Variants in NECTIN3 observed in about 807,000 individuals in gnomAD.
NECTIN3 encodes the protein nectin cell adhesion molecule 3, also known as nectin-3.
NECTIN3 carries 8 observed loss-of-function variants against 49.4 expected under a neutral mutation model. The ratio of observed to expected loss-of-function variants is 0.16; its 90% CI spans 0.10 to 0.29. The LOEUF is 0.29. NECTIN3 is among the 10% of genes least tolerant of loss of function. The pLI is 1.00. For synonymous variants in NECTIN3, 277 were observed against 241.1 expected (o/e 1.15, Z -1.38); for missense variants, 581 against 654.6 (o/e 0.89, Z 1.23).
At chr3:111,072,300 G>A in intron 1 of NECTIN3, 123 bp downstream of exon 1, 1 of 1,441,720 alleles carries the variant, frequency 6.9e-7, no homozygotes, top group Non-Finnish European at 9.0e-7. Flanking sequence ...AGCGAGTGCC[G>A]AGGACTTTGG....
chr3:111,074,508 ATAG>A (rs1286601957), intron 1 of NECTIN3, among the ~76,000 whole-genome samples: 3 of 152,250 alleles, frequency 2.0e-5, no homozygotes, highest in Non-Finnish European at 4.4e-5. Context: ...TGTTTGATAT[ATAG>A]CGTGGCCTTA....
intron 7 of NECTIN3, among the ~76,000 whole-genome samples, chr3:111,168,524 C>T (rs2035367694): frequency 6.6e-6 from 1 of 152,054 alleles, no homozygotes; most frequent in African/African-American, 2.4e-5. Context: ...TATTAGAATA[C>T]AGTAGGACAG....
chr3:111,168,950 T>C (rs544214109), intron 7 of NECTIN3, among the ~76,000 whole-genome samples: 5 of 152,126 alleles, frequency 3.3e-5, no homozygotes, highest in South Asian at 4.1e-4. Context: ...TATTACCTTG[T>C]ACTGGGGTTT....
At chr3:111,120,704 A>G (rs1033859407) in intron 3 of NECTIN3, among the ~76,000 whole-genome samples, 15 of 152,138 alleles carry the variant, frequency 9.9e-5, no homozygotes, top group Non-Finnish European at 2.2e-4. Flanking sequence ...TCATCAGATC[A>G]TGTGCTGCTA....
chr3:111,116,423 T>C (rs2033692316), intron 2 of NECTIN3, among the ~76,000 whole-genome samples: 1 of 152,140 alleles, frequency 6.6e-6, no homozygotes, highest in Non-Finnish European at 1.5e-5. Flanking sequence ...CAACAAATAC[T>C]GTAACACATT....
At chr3:111,160,397 A>G (rs770793756) in intron 7 of NECTIN3, among the ~76,000 whole-genome samples, 1 of 152,082 alleles carries the variant, frequency 6.6e-6, no homozygotes, top group Non-Finnish European at 1.5e-5. Flanking sequence ...GTCAAGATTC[A>G]TAAATTTTGA....
intron 1 of NECTIN3, among the ~76,000 whole-genome samples, chr3:111,104,613 ACCCGACCTCTTTT>A (rs1180950756): frequency 3.3e-4 from 50 of 151,782 alleles, no homozygotes; most frequent in Non-Finnish European, 8.8e-5. Flanking sequence ...GAGCCACTGC[ACCCGACCTCTTTT>A]GCTCATGTTT....
chr3:111,137,385 T>TGTTTGG lies in NECTIN3; in HGVS notation c.*3175_*3180dup. On this transcript the variant is annotated 3_prime_UTR_variant, in exon 6 of 6. Coordinates refer to ENST00000485303, the MANE Select transcript of NECTIN3 (RefSeq NM_015480.3). ...TCAAATTTTTTGTATATTGTGTTTG[T>TGTTTGG]GTTTGGGTTTTAGTTTGTACCCGCG... 1 of 958,200 alleles carries TGTTTGG rather than the reference T, an allele frequency of 1.0e-6. No individual in the cohort carries two copies. The highest frequency in any genetic ancestry group is 1.2e-6 in the Non-Finnish European group (1 of 805,736). The allele number at this position is 958,200 out of a possible 1,614,324, so 59.4% of individuals were successfully genotyped here.
intron 6 of NECTIN3, chr3:111,145,040 A>C: frequency 6.5e-7 from 1 of 1,535,948 alleles, no homozygotes; most frequent in South Asian, 1.2e-5. Flanking sequence ...GACAAAGTGT[A>C]GGTAACTTTT....
rs984473882 is a variant in NECTIN3 at position 111,072,314 on chromosome 3, G to T, written c.160+137G>T. ...GAGCGAGTGCCGAGGACTTTGGCTG[G>T]AAACTTTTCGCCGCGCCCGGGGCGA... is the stretch of plus-strand genomic sequence containing the variant. On this transcript the variant is annotated intron_variant, in intron 1 of 5. Coordinates refer to ENST00000485303, the MANE Select transcript of NECTIN3 (RefSeq NM_015480.3). 6 of 1,433,996 alleles carry T rather than the reference G, an allele frequency of 4.2e-6. No individual in the cohort carries two copies. The Admixed American group carries it at 1.4e-4, about 34-fold the overall frequency. The allele number at this position is 1,433,996 out of a possible 1,614,324, so 88.8% of individuals were successfully genotyped here. A position where few individuals can be genotyped will look rare whatever the true frequency, so the allele number is the denominator to read the frequency against.
At position 111,137,082 on chromosome 3, in the gene NECTIN3, C is replaced by T. The variant is rs898804497; in HGVS notation, c.*2867C>T. 1.0e-6 allele frequency: 1 copy of T among 982,862 alleles called. No individual in the cohort carries two copies. The highest frequency in any genetic ancestry group is 1.8e-5 in the African/African-American group (1 of 57,084). 60.9% of individuals were successfully genotyped at this position (982,862 alleles called of 1,614,324 possible). Reference sequence around the variant, plus strand: ...CGGCTAAATATTTTGCATTAAGGAGCTGTAGGAGTACAGTGTATAAGTACA... The same window carrying T: ...CGGCTAAATATTTTGCATTAAGGAGTTGTAGGAGTACAGTGTATAAGTACA... On this transcript the variant is annotated 3_prime_UTR_variant, in exon 6 of 6. Coordinates refer to ENST00000485303, the MANE Select transcript of NECTIN3 (RefSeq NM_015480.3).
intron 1 of NECTIN3, among the ~76,000 whole-genome samples, chr3:111,102,606 TCTCTTTATA>T (rs1321249629): frequency 6.6e-6 from 1 of 152,218 alleles, no homozygotes; most frequent in African/African-American, 2.4e-5. Flanking sequence ...GTCTTTTTAT[TCTCTTTATA>T]GTGTGTTTTT....
At position 111,176,167 on chromosome 3, in the gene NECTIN3, G is replaced by A. The variant is rs111519281; in HGVS notation, c.1222-16184G>A. Among the ~76,000 whole-genome samples the A allele has an allele frequency of 4.4e-3, 663 of 152,256 alleles. 7 individuals carry two copies. Among genetic ancestry groups the A allele is most frequent in the African/African-American group, 0.015 (623 of 41,544 alleles). ...ACATGAAGAGAAAATAGTTTTCACT[G>A]TTCTTGCCTCATGGAGTAGCATCTA... On this transcript the variant is annotated intron_variant, in intron 7 of 8. Coordinates refer to the NECTIN3 transcript ENST00000493615.
At chr3:111,121,302 C>T (rs989965731) in intron 3 of NECTIN3, among the ~76,000 whole-genome samples, 1 of 151,990 alleles carries the variant, frequency 6.6e-6, no homozygotes. Context: ...CGTGAGCCCC[C>T]GCGCTGGGCC....
chr3:111,133,469 A>T (rs1344340970), intron 5 of NECTIN3, among the ~76,000 whole-genome samples, 166 bp from the exon 6 acceptor site: 2 of 152,148 alleles, frequency 1.3e-5, no homozygotes, highest in African/African-American at 2.4e-5. Flanking sequence ...TTTTAAATAG[A>T]TGAGTACCAC....
At chr3:111,118,310 G>T (rs1311168597) in intron 2 of NECTIN3, among the ~76,000 whole-genome samples, 1 of 125,544 alleles carries the variant, frequency 8.0e-6, no homozygotes, top group African/African-American at 2.8e-5. Flanking sequence ...TTATCTTCCA[G>T]AGAAGTAATA....
chr3:111,184,614 C>G (rs1195143233), intron 7 of NECTIN3, among the ~76,000 whole-genome samples: 1 of 152,186 alleles, frequency 6.6e-6, no homozygotes, highest in Non-Finnish European at 1.5e-5. Context: ...TATAGCAACA[C>G]AAAACAGACT....
At chr3:111,114,315 C>T (rs2033598526) in intron 2 of NECTIN3, among the ~76,000 whole-genome samples, 1 of 151,982 alleles carries the variant, frequency 6.6e-6, no homozygotes, top group Admixed American at 6.6e-5. Flanking sequence ...GCCTTTCTTT[C>T]TTCCGTGTAA....
chr3:111,142,798 GAAAA>G (rs569551743), intron 5 of NECTIN3, among the ~76,000 whole-genome samples: 1 of 150,592 alleles, frequency 6.6e-6, no homozygotes, highest in African/African-American at 2.4e-5. Context: ...AAGTATTTTT[GAAAA>G]AAAACCTTTA....
Sources: allele counts gnomAD v4.1 joint callset (sites outside exome capture counted in the v4.1 genomes callset), GRCh38; gene constraint gnomAD v4.1.1; transcripts MANE v1.5; gene names NCBI Gene and HGNC (gene_info 2026-07-23, HGNC 2026-07-21).